Variants in ABCB4 observed in about 807,000 individuals in gnomAD.
ABCB4 encodes ATP binding cassette subfamily B member 4.
ABCB4 carries 76 observed loss-of-function variants against 145.7 expected under a neutral mutation model. The observed-to-expected ratio is 0.52, with a 90% CI of 0.43 to 0.63. The LOEUF is 0.63. Among genes scored for constraint, ABCB4 ranks in the 30% least tolerant of loss-of-function variants. The pLI is 0.00. For synonymous variants in ABCB4, 517 were observed against 566.8 expected (o/e 0.91, Z 1.25); for missense variants, 1,234 against 1,553.1 (o/e 0.79, Z 3.45).
At chr7:87,462,956 C>T (rs781024136) in intron 3 of ABCB4, 48 bp from the exon 4 acceptor site, 5 of 1,523,036 alleles carry the variant, frequency 3.3e-6, no homozygotes, top group Admixed American at 3.4e-5. Context: ...TGGAATTTCT[C>T]CTCTTCCATA....
chr7:87,390,245 T>C, the ABCB4 span, among the ~76,000 whole-genome samples: 1 of 152,208 alleles, frequency 6.6e-6, no homozygotes, highest in African/African-American at 2.4e-5. Context: ...TTCTACTCCA[T>C]CTTTTAAGAT....
In ABCB4 at chr7:87,421,605, C is replaced by A. The variant is rs149198924; in HGVS notation, c.2316+516G>T. On this transcript the variant is annotated intron_variant, in intron 18 of 27. Transcript: ENST00000649586. Reference sequence around the variant, plus strand: ...TTATATTCGAAAGGCCTATGTGGTGCCCACTGGGTTAAAGAGACAAAAGAA... The same window carrying A: ...TTATATTCGAAAGGCCTATGTGGTGACCACTGGGTTAAAGAGACAAAAGAA... Among the ~76,000 whole-genome samples, 4 of 152,282 alleles carry A rather than the reference C, an allele frequency of 2.6e-5. No homozygotes were observed. In the East Asian group the frequency reaches 7.7e-4, roughly 29 times the overall value.
chr7:87,406,427 G>C lies in ABCB4; in HGVS notation c.3347C>G (p.Ser1116Cys), dbSNP rs373338470. ...QWLRAQLGIV[S>C]QEPILFDCSI... Reference sequence around the variant, plus strand: ...GCAGTCAAATAGGATAGGCTCCTGAGACACGATTCCGAGTTGAGCTCTGAG... The same window carrying C: ...GCAGTCAAATAGGATAGGCTCCTGACACACGATTCCGAGTTGAGCTCTGAG... Residue 1116 changes from serine (S) to cysteine (C), a missense_variant, in exon 26 of 28, where the codon TCT (serine) becomes TGT (cysteine). This residue lies in a region of ABCB4 where 301 missense variants were observed against 389.0 expected (regional missense o/e 0.77). Coordinates refer to ENST00000649586, the MANE Select transcript of ABCB4 (RefSeq NM_000443.4). 2 of 1,613,860 alleles carry C rather than the reference G, an allele frequency of 1.2e-6. No homozygotes were observed. Among genetic ancestry groups the C allele is most frequent in the African/African-American group, 2.7e-5 (2 of 74,820 alleles).
At chr7:87,412,764 T>C (rs1244330405) in intron 22 of ABCB4, among the ~76,000 whole-genome samples, 3 of 152,360 alleles carry the variant, frequency 2.0e-5, no homozygotes, top group African/African-American at 7.2e-5. Context: ...TGTGAAGCTA[T>C]TGAATCTTTA....
intron 26 of ABCB4, among the ~76,000 whole-genome samples, chr7:87,404,760 A>G (rs1808055878): frequency 6.6e-6 from 1 of 152,228 alleles, no homozygotes; most frequent in South Asian, 2.1e-4. Flanking sequence ...TAAGCATATA[A>G]AAAACTATGT....
intron 21 of ABCB4, among the ~76,000 whole-genome samples, chr7:87,415,382 G>A (rs750499433): frequency 7.9e-5 from 12 of 152,094 alleles, no homozygotes; most frequent in South Asian, 6.2e-4. Flanking sequence ...CCTTCTTTCC[G>A]ACTCTTAAGC....
At chr7:87,453,269 C>T (rs970131656) in intron 5 of ABCB4, 134 bp from the exon 6 acceptor site, 8 of 796,006 alleles carry the variant, frequency 1.0e-5, no homozygotes, top group East Asian at 2.7e-5. Flanking sequence ...CTGCAACCTC[C>T]GCCTCCTGGA....
the ABCB4 span, chr7:87,382,090 G>A: frequency 5.0e-6 from 8 of 1,612,330 alleles, no homozygotes; most frequent in South Asian, 3.3e-5. Flanking sequence ...GAGAAGGTAC[G>A]AGATATACCA....
the ABCB4 span, chr7:87,382,251 T>C: frequency 6.8e-7 from 1 of 1,460,720 alleles, no homozygotes; most frequent in Non-Finnish European, 9.5e-7. Flanking sequence ...AAAATTTGGC[T>C]GTCATCCAAG....
chr7:87,393,027 C>A, the ABCB4 span: 2 of 1,613,294 alleles, frequency 1.2e-6, no homozygotes, highest in Non-Finnish European at 1.7e-6. Context: ...TCCCATGGTA[C>A]ACAATGGTTA....
chr7:87,411,665 T>G (rs930750567), intron 23 of ABCB4, among the ~76,000 whole-genome samples: 7 of 152,210 alleles, frequency 4.6e-5, no homozygotes, highest in African/African-American at 1.7e-4. Flanking sequence ...ACTAAAACTG[T>G]GCTTTCTGAT....
At chr7:87,438,642 A>C (rs898222632) in intron 14 of ABCB4, among the ~76,000 whole-genome samples, 4 of 152,078 alleles carry the variant, frequency 2.6e-5, no homozygotes, top group African/African-American at 9.7e-5. Flanking sequence ...CCAGCTACTC[A>C]GGAGGCTGAG....
chr7:87,381,892 T>C, the ABCB4 span: 6 of 1,556,218 alleles, frequency 3.9e-6, no homozygotes, highest in Admixed American at 7.2e-5. Flanking sequence ...TCAGAAATCT[T>C]GTGTGTTCTC....
intron 23 of ABCB4, among the ~76,000 whole-genome samples, chr7:87,410,384 C>G (rs372840312): frequency 6.6e-6 from 1 of 152,078 alleles, no homozygotes; most frequent in African/African-American, 2.4e-5. Context: ...GTAAAACTTT[C>G]CTTTAAATGC....
chr7:87,433,831 G>A (rs1405371967), intron 14 of ABCB4, among the ~76,000 whole-genome samples: 2 of 151,952 alleles, frequency 1.3e-5, no homozygotes, highest in East Asian at 3.8e-4. Context: ...CTAAACAAAG[G>A]GAGGACTAAT....
intron 3 of ABCB4, among the ~76,000 whole-genome samples, chr7:87,464,182 T>C (rs1158992146): frequency 6.6e-6 from 1 of 152,064 alleles, no homozygotes; most frequent in Non-Finnish European, 1.5e-5. Context: ...ATAACCCGGG[T>C]GAGGCTGAGG....
At chr7:87,409,518 G>T in intron 23 of ABCB4, 126 bp from the exon 24 acceptor site, 1 of 936,712 alleles carries the variant, frequency 1.1e-6, no homozygotes, top group Non-Finnish European at 1.7e-6. Context: ...CTTTCTCCCC[G>T]ACATACATTT....
intron 14 of ABCB4, among the ~76,000 whole-genome samples, chr7:87,433,289 A>G (rs1275521797): frequency 6.6e-6 from 1 of 152,234 alleles, no homozygotes; most frequent in East Asian, 1.9e-4. Flanking sequence ...GCTAGAACAC[A>G]GCTCTCTTGG....
intron 21 of ABCB4, among the ~76,000 whole-genome samples, 194 bp from the exon 22 acceptor site, chr7:87,413,911 A>C (rs1280248558): frequency 6.6e-6 from 1 of 152,238 alleles, no homozygotes; most frequent in East Asian, 1.9e-4. Flanking sequence ...GGCTGTGCTA[A>C]GTATGGTAGG....
Sources: allele counts gnomAD v4.1 joint callset (sites outside exome capture counted in the v4.1 genomes callset), GRCh38; gene constraint gnomAD v4.1.1; regional missense constraint gnomAD v4.1.1; transcripts MANE v1.5; gene names NCBI Gene and HGNC (gene_info 2026-07-23, HGNC 2026-07-21).